Variants in ITPR1 observed in about 807,000 individuals in gnomAD.
ITPR1 encodes the protein inositol 1,4,5-trisphosphate receptor type 1.
A neutral mutation model predicts 318.4 loss-of-function variants in ITPR1; 96 were observed. That is an observed-to-expected ratio of 0.30 (90% CI 0.26 to 0.36). The LOEUF (loss-of-function observed/expected upper bound fraction) is 0.36. Ranked by LOEUF, ITPR1 falls within the 10% of genes least tolerant of loss-of-function variation. ITPR1 has a pLI of 1.00. For synonymous variants in ITPR1, 1,312 were observed against 1,289.9 expected, an observed-to-expected ratio of 1.02 and a Z score of -0.37; for missense variants, 2,440 against 3,460.2, an observed-to-expected ratio of 0.71 and a Z score of 7.40.
intron 2 of ITPR1, among the ~76,000 whole-genome samples, chr3:4,513,253 G>A (rs1035218865): frequency 4.6e-5 from 7 of 152,100 alleles, no homozygotes; most frequent in South Asian, 4.1e-4. Flanking sequence ...TGACTTTCCC[G>A]GCCTTTGTTT....
intron 59 of ITPR1, chr3:4,816,147 C>T (rs2049287254): frequency 6.6e-6 from 1 of 152,178 alleles, no homozygotes; most frequent in Non-Finnish European, 1.5e-5. Flanking sequence ...TAAAACAGAT[C>T]CAATACTGTT....
intron 61 of ITPR1, among the ~76,000 whole-genome samples, chr3:4,839,751 T>C (rs550081159): frequency 2.0e-5 from 3 of 152,350 alleles, no homozygotes; most frequent in South Asian, 2.1e-4. Context: ...TTTGATTACA[T>C]ATGGACTAAG....
chr3:4,617,240 G>A (rs1182186022), intron 4 of ITPR1, among the ~76,000 whole-genome samples: 1 of 152,068 alleles, frequency 6.6e-6, no homozygotes, highest in Non-Finnish European at 1.5e-5. Context: ...TGGTATAACA[G>A]GATACCACAG....
At chr3:4,506,395 T>C (rs1432753322) in intron 2 of ITPR1, among the ~76,000 whole-genome samples, 2 of 152,260 alleles carry the variant, frequency 1.3e-5, no homozygotes, top group African/African-American at 2.4e-5. Flanking sequence ...GCCTGATTTT[T>C]TTTTGCATGA....
At position 4,687,274 on chromosome 3, in the gene ITPR1, C is replaced by T. The variant is rs532588189; in HGVS notation, c.3703-1221C>T. On this transcript the variant is annotated intron_variant, in intron 30 of 61. Coordinates refer to ENST00000649015, the MANE Select transcript of ITPR1 (RefSeq NM_001378452.1). ...GCCCTTTAAGAAAAAGCTTGCTGACCTCAGTCTAGCCCGGAACCAAAAGCT... is the reference window on the plus strand; with the variant it reads ...GCCCTTTAAGAAAAAGCTTGCTGACTTCAGTCTAGCCCGGAACCAAAAGCT... Among the ~76,000 whole-genome samples the T allele has an allele frequency of 2.0e-5, 3 of 152,322 alleles. No homozygotes were observed. In the South Asian group the frequency reaches 6.2e-4, roughly 32 times the overall value.
chr3:4,664,144 G>A (rs1273747587), intron 16 of ITPR1, among the ~76,000 whole-genome samples: 1 of 152,100 alleles, frequency 6.6e-6, no homozygotes, highest in African/African-American at 2.4e-5. Context: ...GGGAGATTTG[G>A]CATATTCTAT....
intron 46 of ITPR1, among the ~76,000 whole-genome samples, chr3:4,771,509 C>T (rs1283487808): frequency 6.6e-6 from 1 of 152,142 alleles, no homozygotes; most frequent in Non-Finnish European, 1.5e-5. Context: ...ACTGTGAAAG[C>T]GGAGTAAGGC....
intron 4 of ITPR1, among the ~76,000 whole-genome samples, chr3:4,611,329 G>C (rs1355999865): frequency 6.6e-6 from 1 of 151,522 alleles, no homozygotes; most frequent in Non-Finnish European, 1.5e-5. Flanking sequence ...GGAGGCCAAG[G>C]CGCGTGGATT....
intron 60 of ITPR1, among the ~76,000 whole-genome samples, chr3:4,829,228 A>G (rs2106526551): frequency 6.6e-6 from 1 of 152,350 alleles, no homozygotes; most frequent in East Asian, 1.9e-4. Flanking sequence ...ACCGTCCTGT[A>G]TACACACAAC....
At chr3:4,565,843 A>G (rs2087186916) in intron 4 of ITPR1, among the ~76,000 whole-genome samples, 1 of 152,248 alleles carries the variant, frequency 6.6e-6, no homozygotes, top group Non-Finnish European at 1.5e-5. Flanking sequence ...AAGTGGTTTG[A>G]AAAGCGATTT....
intron 38 of ITPR1, chr3:4,711,465 G>A (rs2041363387): frequency 6.4e-6 from 2 of 310,722 alleles, no homozygotes; most frequent in Non-Finnish European, 1.2e-5. Flanking sequence ...TAAACGAGCA[G>A]GTCTGAGTGG....
chr3:4,819,106 G>T (rs568345387), intron 60 of ITPR1, among the ~76,000 whole-genome samples: 1 of 152,300 alleles, frequency 6.6e-6, no homozygotes, highest in East Asian at 1.9e-4. Context: ...TTTTTACCTA[G>T]ATGTAATTTT....
intron 2 of ITPR1, among the ~76,000 whole-genome samples, chr3:4,514,172 C>T (rs866964107): frequency 1.3e-5 from 2 of 151,942 alleles, no homozygotes; most frequent in Middle Eastern, 3.2e-3. Flanking sequence ...GGGATCTTAC[C>T]TCTCTGTATT....
intron 2 of ITPR1, among the ~76,000 whole-genome samples, chr3:4,513,143 C>G (rs776020693): frequency 1.3e-5 from 2 of 152,192 alleles, no homozygotes; most frequent in Non-Finnish European, 2.9e-5. Context: ...CCACCCAGCT[C>G]TGAACAACAG....
chr3:4,579,085 G>T (rs879827833), intron 4 of ITPR1, among the ~76,000 whole-genome samples: 1 of 152,190 alleles, frequency 6.6e-6, no homozygotes, highest in East Asian at 1.9e-4. Flanking sequence ...TTGACTTAAC[G>T]TAGCAGGCTC....
intron 54 of ITPR1, among the ~76,000 whole-genome samples, chr3:4,801,898 A>G (rs2048257413): frequency 6.6e-6 from 1 of 152,228 alleles, no homozygotes; most frequent in Non-Finnish European, 1.5e-5. Flanking sequence ...ACAGTGGGAA[A>G]GCTCGGGATG....
chr3:4,770,099 C>T (rs940730654), intron 46 of ITPR1, among the ~76,000 whole-genome samples: 2 of 152,162 alleles, frequency 1.3e-5, no homozygotes, highest in African/African-American at 2.4e-5. Flanking sequence ...CGTGGTAGTT[C>T]TGTGTACTTG....
intron 43 of ITPR1, among the ~76,000 whole-genome samples, chr3:4,733,847 T>A (rs1190934953): frequency 6.6e-6 from 1 of 152,328 alleles, no homozygotes; most frequent in East Asian, 1.9e-4. Flanking sequence ...TTACTTTAAA[T>A]CAGTTTAAGC....
At chr3:4,672,205 T>G (rs2094102401) in intron 20 of ITPR1, among the ~76,000 whole-genome samples, 1 of 152,262 alleles carries the variant, frequency 6.6e-6, no homozygotes, top group Non-Finnish European at 1.5e-5. Flanking sequence ...ATATTCATAT[T>G]TTAAGCTTTA....
Sources: allele counts gnomAD v4.1 joint callset (sites outside exome capture counted in the v4.1 genomes callset), GRCh38; gene constraint gnomAD v4.1.1; transcripts MANE v1.5; gene names NCBI Gene and HGNC (gene_info 2026-07-23, HGNC 2026-07-21).